Variants in SDCCAG8 observed in about 807,000 individuals in gnomAD.
SDCCAG8 encodes serologically defined colon cancer antigen 8.
SDCCAG8 carries 74 observed loss-of-function variants against 101.8 expected under a neutral mutation model. The ratio of observed to expected loss-of-function variants is 0.73; its 90% CI spans 0.60 to 0.88. The LOEUF is 0.88. SDCCAG8 is among the 40% of genes least tolerant of loss of function. SDCCAG8 has a pLI of 0.00. For synonymous variants in SDCCAG8, 281 were observed against 292.9 expected (o/e 0.96, Z 0.41); for missense variants, 787 against 822.6 (o/e 0.96, Z 0.53).
intron 11 of SDCCAG8, among the ~76,000 whole-genome samples, chr1:243,342,974 A>T (rs2075468414): frequency 6.6e-6 from 1 of 152,174 alleles, no homozygotes; most frequent in Non-Finnish European, 1.5e-5. Flanking sequence ...GTTTGGAGAC[A>T]GGATCTTGTT....
At chr1:243,267,039 T>C (rs943113629) in intron 1 of SDCCAG8, among the ~76,000 whole-genome samples, 105 of 150,716 alleles carry the variant, frequency 7.0e-4, no homozygotes, top group Non-Finnish European at 3.1e-4. Context: ...AGTCAGGAGA[T>C]CGAGACCATC....
intron 9 of SDCCAG8, among the ~76,000 whole-genome samples, chr1:243,326,758 T>C (rs2074178374): frequency 6.6e-6 from 1 of 152,214 alleles, no homozygotes; most frequent in African/African-American, 2.4e-5. Flanking sequence ...TAGTTATGAA[T>C]TATTCTGTCA....
intron 4 of SDCCAG8, among the ~76,000 whole-genome samples, chr1:243,283,854 C>CCTCA (rs1399106416): frequency 6.6e-6 from 1 of 152,170 alleles, no homozygotes; most frequent in Non-Finnish European, 1.5e-5. Flanking sequence ...GATTCTCCTG[C>CCTCA]CTCAGCCTCC....
At position 243,385,893 on chromosome 1, in the gene SDCCAG8, C is replaced by G. The variant is rs535206862; in HGVS notation, c.1616+7030C>G. On this transcript the variant is annotated intron_variant, in intron 13 of 17. Transcript: ENST00000366541. ...CCGAGGCTCAAGAATCACTTGAGCC[C>G]GGGAGGCAGAGGTTGCAGTGAGCTG... Among the ~76,000 whole-genome samples, 15 of 152,242 alleles carry G rather than the reference C, an allele frequency of 9.9e-5. No homozygotes were observed. The East Asian group carries it at 2.3e-3, about 24-fold the overall frequency.
chr1:243,443,936 A>G (rs1041522828), intron 16 of SDCCAG8, among the ~76,000 whole-genome samples: 1 of 152,128 alleles, frequency 6.6e-6, no homozygotes, highest in Non-Finnish European at 1.5e-5. Context: ...TTAATGAAAT[A>G]TTTTCAGACT....
intron 4 of SDCCAG8, among the ~76,000 whole-genome samples, chr1:243,282,870 T>C (rs2069185134): frequency 6.6e-6 from 1 of 152,162 alleles, no homozygotes; most frequent in Admixed American, 6.5e-5. Flanking sequence ...TATTTGAGAC[T>C]GAGTCTCGCT....
chr1:243,467,477 A>G (rs1263335441), intron 16 of SDCCAG8, among the ~76,000 whole-genome samples: 1 of 152,246 alleles, frequency 6.6e-6, no homozygotes, highest in African/African-American at 2.4e-5. Context: ...AGGAGAGTTC[A>G]CAAGAGAAGC....
chr1:243,356,763 A>G (rs2076408769), intron 12 of SDCCAG8, among the ~76,000 whole-genome samples: 1 of 152,002 alleles, frequency 6.6e-6, no homozygotes, highest in Non-Finnish European at 1.5e-5. Context: ...AAGCAGGAGA[A>G]TCGTTGAGCC....
intron 11 of SDCCAG8, 49 bp from the exon 12 acceptor site, chr1:243,344,165 TG>T (rs1558325674): frequency 6.8e-7 from 1 of 1,466,058 alleles, no homozygotes. Context: ...TTGCAGGCAT[TG>T]CCTGGTAGAT....
intron 1 of SDCCAG8, among the ~76,000 whole-genome samples, chr1:243,262,691 G>T (rs992243320): frequency 1.3e-5 from 2 of 152,182 alleles, no homozygotes; most frequent in Non-Finnish European, 2.9e-5. Context: ...GAGATACTGA[G>T]AGTAATAATA....
intron 5 of SDCCAG8, among the ~76,000 whole-genome samples, chr1:243,287,896 C>T (rs1408592690): frequency 6.6e-6 from 1 of 152,008 alleles, no homozygotes; most frequent in African/African-American, 2.4e-5. Context: ...ATGAGTAATG[C>T]AAAAGGGGAA....
At chr1:243,485,722 G>A (rs765832374) in intron 16 of SDCCAG8, among the ~76,000 whole-genome samples, 8 of 151,312 alleles carry the variant, frequency 5.3e-5, no homozygotes, top group Non-Finnish European at 8.8e-5. Context: ...TGGCCAAGAT[G>A]GTGAAACCCT....
intron 12 of SDCCAG8, among the ~76,000 whole-genome samples, chr1:243,344,736 A>G (rs1355011299): frequency 6.6e-6 from 1 of 152,224 alleles, no homozygotes; most frequent in African/African-American, 2.4e-5. Context: ...ATATGTAAAT[A>G]TGTCAATCAA....
intron 1 of SDCCAG8, among the ~76,000 whole-genome samples, chr1:243,262,437 T>C (rs1324971178): frequency 6.6e-6 from 1 of 152,230 alleles, no homozygotes; most frequent in Non-Finnish European, 1.5e-5. Context: ...CTTTAACTTT[T>C]ATGATCTTTT....
chr1:243,287,594 A>C (rs2069758139), intron 5 of SDCCAG8, among the ~76,000 whole-genome samples: 1 of 152,104 alleles, frequency 6.6e-6, no homozygotes, highest in Non-Finnish European at 1.5e-5. Context: ...TTTTCTCCTC[A>C]CTGTATAACT....
chr1:243,275,656 A>C (rs1197143950), intron 4 of SDCCAG8, among the ~76,000 whole-genome samples: 1 of 152,136 alleles, frequency 6.6e-6, no homozygotes, highest in Non-Finnish European at 1.5e-5. Context: ...ATAAAACTTG[A>C]AAGATATAAA....
At chr1:243,446,166 C>T (rs1338522359) in intron 16 of SDCCAG8, among the ~76,000 whole-genome samples, 2 of 152,210 alleles carry the variant, frequency 1.3e-5, no homozygotes, top group Admixed American at 1.3e-4. Flanking sequence ...AGAGCTTCTA[C>T]TGTACTTTGG....
At chr1:243,325,143 C>T (rs963740440) in intron 9 of SDCCAG8, among the ~76,000 whole-genome samples, 1 of 152,150 alleles carries the variant, frequency 6.6e-6, no homozygotes, top group Non-Finnish European at 1.5e-5. Context: ...CATTGTATTT[C>T]ACACATGACC....
intron 6 of SDCCAG8, 38 bp from the exon 7 acceptor site, chr1:243,304,675 C>T (rs751303224): frequency 7.3e-6 from 8 of 1,100,122 alleles, no homozygotes; most frequent in African/African-American, 1.6e-5. Context: ...AAATACAGGA[C>T]ATAGAGAAAA....
Sources: allele counts gnomAD v4.1 joint callset (sites outside exome capture counted in the v4.1 genomes callset), GRCh38; gene constraint gnomAD v4.1.1; transcripts MANE v1.5; gene names NCBI Gene and HGNC (gene_info 2026-07-23, HGNC 2026-07-21).